Variants in CMTM1 observed in about 807,000 individuals in gnomAD.
CMTM1 encodes CKLF like MARVEL transmembrane domain containing 1.
In CMTM1, 16 loss-of-function variants were observed where a neutral mutation model predicts 17.8. That is an observed-to-expected ratio of 0.90 (90% CI 0.61 to 1.37). The LOEUF (loss-of-function observed/expected upper bound fraction) is 1.37, where lower values mean the gene tolerates loss of function less well. Ranked by LOEUF, CMTM1 falls within the 40% of genes most tolerant of loss-of-function variation. The probability of loss-of-function intolerance (pLI) is 0.00; values close to 1 mark genes in which losing one functional copy is unlikely to be tolerated. For synonymous variants in CMTM1, 169 were observed against 154.6 expected (o/e 1.09, Z -0.69); for missense variants, 354 against 375.6 (o/e 0.94, Z 0.47).
Position 66,575,282 on chromosome 16 carries a change from G to C in CMTM1, c.592-1822G>C, listed in dbSNP as rs1010475709. 6.8e-6 allele frequency: 6 copies of C among 882,462 alleles called. No homozygotes were observed. The African/African-American group carries it at 1.1e-4, about 16-fold the overall frequency. 54.7% of individuals were successfully genotyped at this position (882,462 alleles called of 1,614,324 possible). A position where few individuals can be genotyped will look rare whatever the true frequency, so the allele number is the denominator to read the frequency against. ...CACTCCCACCAGCTACTAGATGCCA[G>C]GCATGTTATCAGATGCTTTCAGATT... On this transcript the variant is annotated intron_variant, in intron 2 of 3. Coordinates refer to ENST00000379500, the MANE Select transcript of CMTM1 (RefSeq NM_052999.4).
At chr16:66,567,093 C>A in intron 1 of CMTM1, 148 bp downstream of exon 1, 1 of 774,600 alleles carries the variant, frequency 1.3e-6, no homozygotes, top group Non-Finnish European at 2.2e-6. Flanking sequence ...CCCCACCACC[C>A]CCTGCTCCCC....
chr16:66,579,012 G>T lies in CMTM1; in HGVS notation c.*11G>T, dbSNP rs1169740805. On this transcript the variant is annotated 3_prime_UTR_variant, in exon 4 of 4. Transcript: ENST00000379500. This position sits in a 1 kb window ranked among gnomAD's most constrained non-coding sequence, Gnocchi z 6.5. ...CAGAGGCCCGCCTGAAGCCAGCCCGGCGCCCTAGCAGATGCACGTGTCTGT... is the reference window on the plus strand; with the variant it reads ...CAGAGGCCCGCCTGAAGCCAGCCCGTCGCCCTAGCAGATGCACGTGTCTGT... 1 of 1,611,432 alleles carries T rather than the reference G, an allele frequency of 6.2e-7. No homozygotes were observed. Among genetic ancestry groups the T allele is most frequent in the African/African-American group, 1.3e-5 (1 of 75,020 alleles).
At chr16:66,571,616 T>G (rs146994001) in intron 2 of CMTM1, among the ~76,000 whole-genome samples, 1 of 152,354 alleles carries the variant, frequency 6.6e-6, no homozygotes, top group Non-Finnish European at 1.5e-5. Context: ...TCTCTAAATT[T>G]TATCTCTGTA....
chr16:66,573,964 A>C (rs1178045415), intron 2 of CMTM1, among the ~76,000 whole-genome samples: 1 of 150,680 alleles, frequency 6.6e-6, no homozygotes. Flanking sequence ...TGGGATTACA[A>C]GCATGAGCCA....
intron 1 of CMTM1, among the ~76,000 whole-genome samples, chr16:66,568,375 A>G (rs779551596): frequency 7.9e-5 from 12 of 152,238 alleles, no homozygotes; most frequent in Non-Finnish European, 1.5e-4. Flanking sequence ...ACAAAATTCA[A>G]CATTTGTCCC....
intron 1 of CMTM1, 67 bp downstream of exon 1, chr16:66,567,012 A>G: frequency 2.0e-6 from 3 of 1,528,224 alleles, no homozygotes; most frequent in African/African-American, 1.4e-5. Flanking sequence ...GGAAATGCCC[A>G]CGGGGTGCCA....
chr16:66,577,070 T>C (rs574708714), intron 2 of CMTM1, 34 bp from the exon 3 acceptor site: 2 of 1,574,372 alleles, frequency 1.3e-6, no homozygotes, highest in Middle Eastern at 1.7e-4. Flanking sequence ...TATATTGTTG[T>C]GTAAACTTGA....
chr16:66,579,027 C>T lies in CMTM1; in HGVS notation c.*26C>T. 6.2e-7 allele frequency: 1 copy of T among 1,608,528 alleles called. No homozygotes were observed. The highest frequency in any genetic ancestry group is 8.5e-7 in the Non-Finnish European group (1 of 1,178,146). ...AGCCAGCCCGGCGCCCTAGCAGATG[C>T]ACGTGTCTGTCGAATCGCTGCCTCC... is the stretch of plus-strand genomic sequence containing the variant. On this transcript the variant is annotated 3_prime_UTR_variant, in exon 4 of 4. Coordinates refer to ENST00000379500, the MANE Select transcript of CMTM1 (RefSeq NM_052999.4). This position sits in a 1 kb window ranked among gnomAD's most constrained non-coding sequence, Gnocchi z 6.5.
rs370693367 is a variant in CMTM1, at chr16:66,566,509, C to A, written c.-5C>A. The A allele has an allele frequency of 1.5e-5, 24 of 1,593,400 alleles. No individual in the cohort carries two copies. Among genetic ancestry groups the A allele is most frequent in the Non-Finnish European group, 1.5e-5 (18 of 1,169,758 alleles). On this transcript the variant is annotated 5_prime_UTR_variant, in exon 1 of 4. Transcript: ENST00000379500. The surrounding 1 kb of genome is among the most constrained non-coding windows in gnomAD (Gnocchi z 4.9). ...GTTCAGACGGCCAGGCCCTAGGGAC[C>A]CACCATGGATCCTGAACACGCCAAA...
rs2012336552 is a variant in CMTM1, at chr16:66,566,440, C to A, written c.-74C>A. ...GAGGTAGCCAACAGCCGTTGGGACG[C>A]GACGCTGGTTCCCAGGGGAGAGCCA... On this transcript the variant is annotated 5_prime_UTR_variant, in exon 1 of 4. Coordinates refer to ENST00000379500, the MANE Select transcript of CMTM1 (RefSeq NM_052999.4). This position sits in a 1 kb window ranked among gnomAD's most constrained non-coding sequence, Gnocchi z 4.9. The A allele has an allele frequency of 6.7e-7, 1 of 1,481,688 alleles. No individual in the cohort carries two copies. Among genetic ancestry groups the A allele is most frequent in the Admixed American group, 2.2e-5 (1 of 44,888 alleles). 91.8% of individuals were successfully genotyped at this position (1,481,688 alleles called of 1,614,324 possible).
At chr16:66,574,593 T>C (rs2013994770) in intron 2 of CMTM1, among the ~76,000 whole-genome samples, 1 of 152,228 alleles carries the variant, frequency 6.6e-6, no homozygotes, top group African/African-American at 2.4e-5. Flanking sequence ...TTAGCTCCAA[T>C]GGACAGTTCA....
intron 3 of CMTM1, 77 bp from the exon 4 acceptor site, chr16:66,578,754 G>A (rs1288081100): frequency 1.3e-6 from 2 of 1,567,500 alleles, no homozygotes; most frequent in African/African-American, 1.3e-5. Context: ...CCTGGATAGG[G>A]ATAGGTTCGA....
chr16:66,578,815 G>C lies in CMTM1; in HGVS notation c.691-16G>C. On this transcript the variant is annotated splice_polypyrimidine_tract_variant and intron_variant, in intron 3 of 3. Coordinates refer to ENST00000379500, the MANE Select transcript of CMTM1 (RefSeq NM_052999.4). Reference sequence around the variant, plus strand: ...ACCCCGTCTTTCCTTCCCGCATATGGTCTTGTATCTGACAGTCCCTGTGTC... The same window carrying C: ...ACCCCGTCTTTCCTTCCCGCATATGCTCTTGTATCTGACAGTCCCTGTGTC... 1 of 1,612,954 alleles carries C rather than the reference G, an allele frequency of 6.2e-7. No individual in the cohort carries two copies. Among genetic ancestry groups the C allele is most frequent in the Non-Finnish European group, 8.5e-7 (1 of 1,179,016 alleles).
In CMTM1 at chr16:66,566,796, A is replaced by G. The variant is rs369671479; in HGVS notation, c.283A>G (p.Thr95Ala). The stretch of plus-strand genomic sequence containing the variant: ...CCCAAAGCCCACACTCCCACCCCCC[A>G]CGCCCTCTGCACACACTGAATCCAA... ...PPPKPTLPPP[T>A]PSAHTESKLL... The change falls in exon 1 of 4, where the codon ACG becomes GCG. Residue 95 changes from threonine (T) to alanine (A), a missense_variant. Coordinates refer to ENST00000379500, the MANE Select transcript of CMTM1 (RefSeq NM_052999.4). This position sits in a 1 kb window ranked among gnomAD's most constrained non-coding sequence, Gnocchi z 4.9. The G allele has an allele frequency of 5.6e-5, 91 of 1,612,580 alleles. No individual in the cohort carries two copies. The highest frequency in any genetic ancestry group is 7.4e-5 in the Non-Finnish European group (87 of 1,179,522).
At chr16:66,575,719 G>A (rs749213616) in intron 2 of CMTM1, among the ~76,000 whole-genome samples, 25 of 152,218 alleles carry the variant, frequency 1.6e-4, no homozygotes, top group Non-Finnish European at 3.1e-4. Flanking sequence ...GGTTAAATGA[G>A]GTTAAATGAT....
chr16:66,574,067 A>G (rs1347938237), intron 2 of CMTM1, among the ~76,000 whole-genome samples: 2 of 150,980 alleles, frequency 1.3e-5, no homozygotes, highest in African/African-American at 4.9e-5. Flanking sequence ...TCTCTTTCCT[A>G]CTTATAATTC....
chr16:66,566,697 C>A lies in CMTM1; in HGVS notation c.184C>A (p.Gln62Lys). ...CCCCGCAGTCTCAATTCGCAGTGCG[C>A]AGTCCGCAGCCGCCGCACGTCCCCA... ...KHPAVSIRSAQSAAAARPQGS... is the reference protein window; with the variant it reads ...KHPAVSIRSAKSAAAARPQGS... Residue 62 changes from glutamine to lysine, a missense_variant, in exon 1 of 4, where the codon CAG (glutamine) becomes AAG (lysine). Physicochemically the swap from Gln to Lys is moderately conservative, Grantham distance 53 (BLOSUM62 1). Transcript: ENST00000379500. This position sits in a 1 kb window ranked among gnomAD's most constrained non-coding sequence, Gnocchi z 4.9. The A allele has an allele frequency of 6.2e-7, 1 of 1,614,042 alleles. No homozygotes were observed. The highest frequency in any genetic ancestry group is 8.5e-7 in the Non-Finnish European group (1 of 1,179,992).
At chr16:66,576,119 G>T (rs1048905923) in intron 2 of CMTM1, among the ~76,000 whole-genome samples, 1 of 152,122 alleles carries the variant, frequency 6.6e-6, no homozygotes, top group Non-Finnish European at 1.5e-5. Flanking sequence ...AGGACTGGCC[G>T]GGCGCGGTGG....
intron 1 of CMTM1, among the ~76,000 whole-genome samples, chr16:66,567,590 A>T (rs1474042249): frequency 2.0e-5 from 3 of 152,180 alleles, no homozygotes; most frequent in Non-Finnish European, 2.9e-5. Flanking sequence ...GTTTCCTCTC[A>T]CAAAGGAAAT....
Sources: allele counts gnomAD v4.1 joint callset (sites outside exome capture counted in the v4.1 genomes callset), GRCh38; gene constraint gnomAD v4.1.1; non-coding constraint Gnocchi (gnomAD v3.1); transcripts MANE v1.5; gene names NCBI Gene and HGNC (gene_info 2026-07-23, HGNC 2026-07-21).